Variants in DLGAP1 observed in about 807,000 individuals in gnomAD.
DLGAP1 encodes DLG associated protein 1, also known as disks large-associated protein 1.
A neutral mutation model predicts 90.8 loss-of-function variants in DLGAP1; 11 were observed. That is an observed-to-expected ratio of 0.12 (90% CI 0.08 to 0.20). DLGAP1 has a LOEUF of 0.20. Among genes scored for constraint, DLGAP1 ranks in the 10% least tolerant of loss-of-function variants. DLGAP1 has a pLI of 1.00. For missense variants in DLGAP1, 1,050 were observed against 1,333.8 expected (o/e 0.79, Z 3.31); for synonymous variants, 558 against 540.7 (o/e 1.03, Z -0.44).
chr18:3,931,065 T>G (rs747506984), intron 3 of DLGAP1, among the ~76,000 whole-genome samples: 1 of 152,138 alleles, frequency 6.6e-6, no homozygotes, highest in Non-Finnish European at 1.5e-5. Flanking sequence ...GTGTAGTCAC[T>G]GTGCCAAGCT....
chr18:3,912,405 G>A (rs928389358), intron 3 of DLGAP1, among the ~76,000 whole-genome samples: 2 of 152,078 alleles, frequency 1.3e-5, no homozygotes, highest in African/African-American at 4.8e-5. Context: ...CCTAGTGTGC[G>A]AGGTTTATTC....
At chr18:4,274,402 G>A (rs919792863) in intron 1 of DLGAP1, among the ~76,000 whole-genome samples, 1 of 151,930 alleles carries the variant, frequency 6.6e-6, no homozygotes, top group African/African-American at 2.4e-5. Flanking sequence ...TTCTTTTAAA[G>A]TTGTTGAGGT....
chr18:4,360,228 G>T (rs1348243354), intron 1 of DLGAP1, among the ~76,000 whole-genome samples: 2 of 152,174 alleles, frequency 1.3e-5, no homozygotes, highest in Non-Finnish European at 2.9e-5. Flanking sequence ...TAATTTTGTG[G>T]CATTAGACAG....
In DLGAP1 at chr18:4,370,281, G is replaced by A. The variant is rs2081887891; in HGVS notation, c.-267+84725C>T. On this transcript the variant is annotated intron_variant, in intron 1 of 12. Transcript: ENST00000315677. ...GATCAGGGCAAGGGAAAGAAAAGCAGGAAAGAGATGATAACACCATGAACG... is the reference window on the plus strand; with the variant it reads ...GATCAGGGCAAGGGAAAGAAAAGCAAGAAAGAGATGATAACACCATGAACG... Among the ~76,000 whole-genome samples the A allele has an allele frequency of 2.6e-5, 4 of 152,130 alleles. No homozygotes were observed. In the South Asian group the frequency reaches 8.3e-4, roughly 32 times the overall value.
At chr18:4,282,672 C>A (rs1170204562) in intron 1 of DLGAP1, among the ~76,000 whole-genome samples, 1 of 152,156 alleles carries the variant, frequency 6.6e-6, no homozygotes, top group African/African-American at 2.4e-5. Context: ...ATTTTTATAT[C>A]TGTTGACAAA....
At chr18:3,874,672 T>A in intron 4 of DLGAP1, 1 of 1,535,582 alleles carries the variant, frequency 6.5e-7, no homozygotes. Context: ...ACATCTCAAC[T>A]GAGAATTAAA....
At chr18:3,833,426 G>GT (rs1216899041) in intron 4 of DLGAP1, among the ~76,000 whole-genome samples, 1 of 151,942 alleles carries the variant, frequency 6.6e-6, no homozygotes, top group East Asian at 1.9e-4. Context: ...TAGAGATGGG[G>GT]TTTTGCCATG....
intron 1 of DLGAP1, among the ~76,000 whole-genome samples, chr18:4,218,974 C>G (rs1344390885): frequency 7.6e-6 from 1 of 132,034 alleles, no homozygotes; most frequent in Admixed American, 7.7e-5. Flanking sequence ...TATTTCATTT[C>G]TTTTAGATAT....
chr18:4,353,831 A>G (rs937193555), intron 1 of DLGAP1, among the ~76,000 whole-genome samples: 5 of 152,110 alleles, frequency 3.3e-5, no homozygotes, highest in African/African-American at 1.2e-4. Context: ...AGTTATATCA[A>G]CTTTTAGGCA....
At position 3,693,110 on chromosome 18, in the gene DLGAP1, CAG is replaced by C. The variant is rs557882966; in HGVS notation, c.1591+36023_1591+36024del. 2.2e-3 allele frequency among the ~76,000 whole-genome samples: 337 copies of C among 152,296 alleles called. 2 individuals are homozygous for C. Among genetic ancestry groups the C allele is most frequent in the Non-Finnish European group, 2.6e-3 (180 of 68,018 alleles). On this transcript the variant is annotated intron_variant, in intron 7 of 12. Transcript: ENST00000315677. ...CAAACTATATTTTCTTTTTCAGAGA[CAG>C]AGTCTATGTCGCTCAGGCTGGAGTG... is the stretch of plus-strand genomic sequence containing the variant.
chr18:3,887,079 T>A (rs2071336317), intron 3 of DLGAP1, among the ~76,000 whole-genome samples: 1 of 152,238 alleles, frequency 6.6e-6, no homozygotes, highest in African/African-American at 2.4e-5. Context: ...CTTGTTTCCT[T>A]ATCTTATCAA....
chr18:4,257,597 A>G (rs2078914590), intron 1 of DLGAP1, among the ~76,000 whole-genome samples: 1 of 152,064 alleles, frequency 6.6e-6, no homozygotes, highest in Admixed American at 6.5e-5. Context: ...AAGCTCTTTT[A>G]ACAAATTCAT....
intron 7 of DLGAP1, among the ~76,000 whole-genome samples, chr18:3,610,783 G>A (rs761239307): frequency 4.6e-5 from 7 of 152,060 alleles, no homozygotes; most frequent in Non-Finnish European, 1.0e-4. Flanking sequence ...AGGCTGCAGT[G>A]AGCTGAGATC....
At chr18:4,260,088 T>TG (rs2078973840) in intron 1 of DLGAP1, among the ~76,000 whole-genome samples, 1 of 152,202 alleles carries the variant, frequency 6.6e-6, no homozygotes, top group South Asian at 2.1e-4. Flanking sequence ...ACCTATTTTA[T>TG]GGTTAAATAT....
At chr18:3,970,124 T>C (rs17574271) in intron 3 of DLGAP1, among the ~76,000 whole-genome samples, 7,271 of 152,276 alleles carry the variant, frequency 0.048, 246 homozygotes, top group Non-Finnish European at 0.075. Flanking sequence ...AAAATGAAAA[T>C]GCAAAATTTA....
intron 3 of DLGAP1, among the ~76,000 whole-genome samples, chr18:4,004,553 T>A (rs146100550): frequency 2.1e-3 from 319 of 152,026 alleles, no homozygotes; most frequent in African/African-American, 7.4e-3. Context: ...TGATCAATAA[T>A]GTGAAAAAAA....
intron 1 of DLGAP1, among the ~76,000 whole-genome samples, chr18:4,332,412 A>G (rs2080972169): frequency 6.6e-6 from 1 of 151,940 alleles, no homozygotes; most frequent in African/African-American, 2.4e-5. Flanking sequence ...GATTTTTTTA[A>G]AAGAGTAATA....
intron 8 of DLGAP1, among the ~76,000 whole-genome samples, chr18:3,579,048 AATT>A (rs1226786366): frequency 6.6e-6 from 1 of 151,944 alleles, no homozygotes; most frequent in East Asian, 1.9e-4. Context: ...TGAAAATAAT[AATT>A]ATTATTATTA....
chr18:4,118,971 T>C (rs916732890), intron 2 of DLGAP1, among the ~76,000 whole-genome samples: 1 of 152,158 alleles, frequency 6.6e-6, no homozygotes, highest in Admixed American at 6.5e-5. Flanking sequence ...CTTTGCGTTA[T>C]AAATAATTCA....
Sources: gnomAD v4.1 joint callset for allele counts (sites outside exome capture counted in the v4.1 genomes callset) on GRCh38, gnomAD v4.1.1 for gene constraint, MANE v1.5 for transcripts, NCBI Gene and HGNC (gene_info 2026-07-23, HGNC 2026-07-21) for gene names.